The following LRIG1 variants were observed in gnomAD, a reference collection of about 807,000 sequenced individuals.
LRIG1 encodes leucine-rich repeats and immunoglobulin-like domains protein 1.
LRIG1 carries 48 observed loss-of-function variants against 99.2 expected under a neutral mutation model. The observed-to-expected ratio is 0.48, with a 90% CI of 0.38 to 0.62. The LOEUF (loss-of-function observed/expected upper bound fraction) is 0.62, where lower values mean the gene tolerates loss of function less well. LRIG1 is among the 20% of genes least tolerant of loss of function. The pLI is 0.00. For synonymous variants in LRIG1, 772 were observed against 596.1 expected (o/e 1.29, Z -4.30); for missense variants, 1,646 against 1,434.4 (o/e 1.15, Z -2.38).
chr3:66,436,509 C>T (rs946028089), intron 3 of LRIG1, among the ~76,000 whole-genome samples: 1 of 152,200 alleles, frequency 6.6e-6, no homozygotes, highest in African/African-American at 2.4e-5. Flanking sequence ...TAACATCCCA[C>T]AGAACAAGTA....
chr3:66,434,887 A>G (rs557678384), intron 3 of LRIG1, among the ~76,000 whole-genome samples: 5 of 152,328 alleles, frequency 3.3e-5, no homozygotes, highest in Non-Finnish European at 7.3e-5. Flanking sequence ...TCTTAAAAAA[A>G]CTAAACATGC....
At chr3:66,419,145 C>A (rs1424494774) in intron 3 of LRIG1, among the ~76,000 whole-genome samples, 1 of 152,040 alleles carries the variant, frequency 6.6e-6, no homozygotes, top group South Asian at 2.1e-4. Flanking sequence ...GACAGAAGGG[C>A]CGGGCGCCAC....
chr3:66,461,194 A>G (rs1441232180), intron 2 of LRIG1, among the ~76,000 whole-genome samples: 12 of 152,102 alleles, frequency 7.9e-5, no homozygotes, highest in African/African-American at 2.9e-4. Flanking sequence ...AGTCCCAGCT[A>G]CTCACAAGGC....
chr3:66,455,192 T>G (rs1028838846), intron 2 of LRIG1, among the ~76,000 whole-genome samples: 6 of 152,192 alleles, frequency 3.9e-5, no homozygotes, highest in African/African-American at 9.6e-5. Context: ...TGATCCGCCC[T>G]TCTCGGCCTC....
intron 1 of LRIG1, among the ~76,000 whole-genome samples, chr3:66,479,704 T>C (rs898306367): frequency 1.3e-5 from 2 of 152,226 alleles, no homozygotes; most frequent in African/African-American, 4.8e-5. Flanking sequence ...CTCAGTGTCA[T>C]TAGTCATTAT....
In LRIG1 at chr3:66,382,337, G is replaced by C. The variant is rs774090531; in HGVS notation, c.2553C>G (p.Asp851Glu). The change falls in exon 16 of 19, where the codon GAC becomes GAG. Residue 851 changes from aspartate (D) to glutamate (E), a missense_variant. By Grantham distance (45) the Asp-to-Glu change is conservative. Coordinates refer to ENST00000273261, the MANE Select transcript of LRIG1 (RefSeq NM_015541.3). Reference sequence around the variant, plus strand: ...CGGTCCTGACCACGGTTTCTTGTCGGTCAGAAAGGGTCCCCTGAGAAGAGA... The same window carrying C: ...CGGTCCTGACCACGGTTTCTTGTCGCTCAGAAAGGGTCCCCTGAGAAGAGA... The part of the protein sequence containing the change: ...SYLSSQGTLS[D>E]RQETVVRTEG... 2 of 1,614,214 alleles carry C rather than the reference G, an allele frequency of 1.2e-6. No individual in the cohort carries two copies. The highest frequency in any genetic ancestry group is 3.3e-5 in the Admixed American group (2 of 60,032).
intron 6 of LRIG1, among the ~76,000 whole-genome samples, chr3:66,412,105 C>G (rs1211344372): frequency 2.0e-5 from 3 of 152,252 alleles, no homozygotes; most frequent in Admixed American, 1.3e-4. Flanking sequence ...TTTCACGTTA[C>G]CGTGCAGGCA....
At chr3:66,401,977 C>T (rs1041889616) in intron 9 of LRIG1, among the ~76,000 whole-genome samples, 19 of 152,130 alleles carry the variant, frequency 1.2e-4, no homozygotes, top group African/African-American at 4.1e-4. Context: ...TGTGCACTAG[C>T]CCCCGCTTCC....
At chr3:66,410,794 G>A (rs1002133892) in intron 6 of LRIG1, among the ~76,000 whole-genome samples, 5 of 152,318 alleles carry the variant, frequency 3.3e-5, no homozygotes, top group African/African-American at 7.2e-5. Flanking sequence ...ATTATCACCC[G>A]CATCTCACAC....
chr3:66,426,468 A>C (rs1372721322), intron 3 of LRIG1, among the ~76,000 whole-genome samples: 1 of 152,210 alleles, frequency 6.6e-6, no homozygotes, highest in Admixed American at 6.5e-5. Context: ...TTTTGGAACC[A>C]TGTATAAATC....
At chr3:66,412,640 G>A (rs1437015465) in intron 6 of LRIG1, among the ~76,000 whole-genome samples, 2 of 152,236 alleles carry the variant, frequency 1.3e-5, no homozygotes, top group Non-Finnish European at 2.9e-5. Flanking sequence ...GCTGGGCACT[G>A]GTGCCCCACT....
intron 1 of LRIG1, among the ~76,000 whole-genome samples, chr3:66,474,409 G>T (rs1157418603): frequency 1.3e-5 from 2 of 149,692 alleles, no homozygotes; most frequent in African/African-American, 2.5e-5. Context: ...GCAATGGTGT[G>T]ATCTCAGCTC....
At chr3:66,438,212 T>C (rs1703424460) in intron 3 of LRIG1, among the ~76,000 whole-genome samples, 1 of 152,062 alleles carries the variant, frequency 6.6e-6, no homozygotes, top group African/African-American at 2.4e-5. Flanking sequence ...TGCTACCCCC[T>C]GTCCCACTCC....
intron 1 of LRIG1, among the ~76,000 whole-genome samples, chr3:66,499,590 G>A (rs1343233261): frequency 6.6e-6 from 1 of 152,160 alleles, no homozygotes; most frequent in African/African-American, 2.4e-5. Flanking sequence ...GGGGAAGACT[G>A]CCTTCTGCCC....
intron 1 of LRIG1, among the ~76,000 whole-genome samples, chr3:66,493,567 T>A (rs1311549147): frequency 6.6e-6 from 1 of 152,158 alleles, no homozygotes; most frequent in Non-Finnish European, 1.5e-5. Context: ...GGCTGCCATC[T>A]TCCCATTCCA....
intron 1 of LRIG1, 70 bp downstream of exon 1, chr3:66,500,120 A>G: frequency 7.8e-7 from 1 of 1,274,696 alleles, no homozygotes; most frequent in South Asian, 1.3e-5. Flanking sequence ...CCTGAGTACG[A>G]ACCCCCGCCG....
Position 66,380,789 on chromosome 3 carries a change from TG to T in LRIG1, c.2842del (p.His948ThrfsTer57). Reference sequence around the variant, plus strand: ...GCTGTCTCTGGACACAGGCTGGGGGTGGAAGGCTTGTCCCCTGGAGTAACAG... The same window carrying T: ...GCTGTCTCTGGACACAGGCTGGGGGTGAAGGCTTGTCCCCTGGAGTAACAG... ...VDCYSRGQAF[H>X]PQPVSRDSAQ... On this transcript the variant is annotated frameshift_variant, in exon 18 of 19. Transcript: ENST00000273261. LOFTEE classifies it high-confidence loss of function. 1.2e-6 allele frequency: 2 copies of T among 1,613,698 alleles called. No individual in the cohort carries two copies. The highest frequency in any genetic ancestry group is 1.7e-6 in the Non-Finnish European group (2 of 1,179,984).
chr3:66,414,993 T>G lies in LRIG1; in HGVS notation c.574A>C (p.Thr192Pro). 6.2e-7 allele frequency: 1 copy of G among 1,612,936 alleles called. No individual in the cohort carries two copies. Among genetic ancestry groups the G allele is most frequent in the Non-Finnish European group, 8.5e-7 (1 of 1,179,412 alleles). The change falls in exon 5 of 19, where the codon ACT (threonine) becomes CCT (proline). Residue 192 changes from threonine to proline, a missense_variant. Physicochemically the swap from Thr to Pro is conservative, Grantham distance 38. Transcript: ENST00000273261. Reference protein sequence around the residue: ...AFDGLSRSLLTLRLSKNRITQ... With the variant: ...AFDGLSRSLLPLRLSKNRITQ... Reference sequence around the variant, plus strand: ...ATCCTGTTTTTGCTCAGGCGAAGAGTTAGCAGCGACCGTGACAGACCATCA... The same window carrying G: ...ATCCTGTTTTTGCTCAGGCGAAGAGGTAGCAGCGACCGTGACAGACCATCA...
intron 8 of LRIG1, among the ~76,000 whole-genome samples, 158 bp from the exon 9 acceptor site, chr3:66,405,436 G>A (rs1575665504): frequency 6.6e-6 from 1 of 152,254 alleles, no homozygotes; most frequent in East Asian, 1.9e-4. Flanking sequence ...GCCCTGGGAG[G>A]GAAGCCCTGT....
Sources: allele counts gnomAD v4.1 joint callset (sites outside exome capture counted in the v4.1 genomes callset), GRCh38; gene constraint gnomAD v4.1.1; transcripts MANE v1.5; gene names NCBI Gene and HGNC (gene_info 2026-07-23, HGNC 2026-07-21).